CAB39L: variants seen among roughly 807,000 people sequenced by gnomAD.
CAB39L encodes calcium-binding protein 39-like.
In CAB39L, 23 loss-of-function variants were observed where a neutral mutation model predicts 39.1. The observed-to-expected ratio is 0.59, with a 90% CI of 0.42 to 0.83. The LOEUF (loss-of-function observed/expected upper bound fraction) is 0.83, where lower values mean the gene tolerates loss of function less well. CAB39L is among the 40% of genes least tolerant of loss of function. CAB39L has a pLI of 0.00. For missense variants in CAB39L, 366 were observed against 391.9 expected, an observed-to-expected ratio of 0.93 and a Z score of 0.56; for synonymous variants, 126 against 137.2, an observed-to-expected ratio of 0.92 and a Z score of 0.57.
chr13:49,317,645 C>T (rs1954196897), intron 10 of CAB39L, among the ~76,000 whole-genome samples: 1 of 152,014 alleles, frequency 6.6e-6, no homozygotes, highest in African/African-American at 2.4e-5. Context: ...CAATCAAAGA[C>T]CTAAATATAA....
At chr13:49,409,280 T>C (rs1346524991) in intron 3 of CAB39L, among the ~76,000 whole-genome samples, 1 of 151,936 alleles carries the variant, frequency 6.6e-6, no homozygotes, top group Non-Finnish European at 1.5e-5. Flanking sequence ...TAGAACACTG[T>C]ATGGGAGATT....
chr13:49,314,182 TGA>T (rs1954086224), intron 10 of CAB39L, among the ~76,000 whole-genome samples: 1 of 152,048 alleles, frequency 6.6e-6, no homozygotes, highest in Admixed American at 6.6e-5. Flanking sequence ...ACAGTAAGAA[TGA>T]GTAAGGGAAC....
chr13:49,343,358 T>C (rs1313024401), intron 8 of CAB39L, among the ~76,000 whole-genome samples: 2 of 152,192 alleles, frequency 1.3e-5, no homozygotes, highest in Non-Finnish European at 2.9e-5. Context: ...GTATTATTAC[T>C]ATGTTCATTT....
At chr13:49,315,657 C>T (rs1396009277) in intron 10 of CAB39L, among the ~76,000 whole-genome samples, 1 of 151,832 alleles carries the variant, frequency 6.6e-6, no homozygotes, top group Admixed American at 6.6e-5. Flanking sequence ...GAGGCCAAGG[C>T]GGGCGGATCA....
chr13:49,373,594 CT>C (rs1335675233), intron 5 of CAB39L, among the ~76,000 whole-genome samples: 2 of 152,226 alleles, frequency 1.3e-5, no homozygotes, highest in Non-Finnish European at 2.9e-5. Context: ...AAACAATTTA[CT>C]GATTCCTTCA....
intron 3 of CAB39L, among the ~76,000 whole-genome samples, chr13:49,423,128 T>C (rs1018034648): frequency 6.6e-6 from 1 of 152,178 alleles, no homozygotes; most frequent in Non-Finnish European, 1.5e-5. Context: ...ATACCATAGA[T>C]CATTGATGCT....
chr13:49,353,594 C>T (rs1252966548), intron 6 of CAB39L, among the ~76,000 whole-genome samples: 1 of 151,958 alleles, frequency 6.6e-6, no homozygotes, highest in Non-Finnish European at 1.5e-5. Context: ...GTTCAAATGC[C>T]ATCTCCTCCT....
intron 10 of CAB39L, among the ~76,000 whole-genome samples, chr13:49,326,491 C>A (rs545788506): frequency 6.6e-6 from 1 of 152,130 alleles, no homozygotes; most frequent in Non-Finnish European, 1.5e-5. Flanking sequence ...TGAGAGTCAG[C>A]CATTAACAAT....
At chr13:49,352,653 T>C (rs920528356) in intron 6 of CAB39L, among the ~76,000 whole-genome samples, 2 of 152,068 alleles carry the variant, frequency 1.3e-5, no homozygotes, top group Admixed American at 1.3e-4. Flanking sequence ...TAGCTGGACA[T>C]GGTGGCACAC....
rs1953934927 is a variant in CAB39L at position 49,309,775 on chromosome 13, A to G, written c.*1039T>C. ...TATAGAATGACAGCTTATTAGAAAA[A>G]AATTGCTTTTATCAACATCTGATAC... On this transcript the variant is annotated 3_prime_UTR_variant, in exon 11 of 11. Transcript: ENST00000409308. 6.6e-6 allele frequency: 1 copy of G among 152,212 alleles called. No individual in the cohort carries two copies. Among genetic ancestry groups the G allele is most frequent in the Admixed American group, 6.5e-5 (1 of 15,282 alleles). The allele number at this position is 152,212 out of a possible 1,614,324, so 9.4% of individuals were successfully genotyped here.
intron 3 of CAB39L, among the ~76,000 whole-genome samples, chr13:49,406,254 G>A (rs9535226): frequency 0.42 from 61,024 of 146,294 alleles, 13,052 homozygotes; most frequent in Middle Eastern, 0.53. Flanking sequence ...TGCAAGCTCC[G>A]CCTCCCAGGT....
At chr13:49,352,194 C>A (rs1309754964) in intron 6 of CAB39L, among the ~76,000 whole-genome samples, 2 of 151,634 alleles carry the variant, frequency 1.3e-5, no homozygotes, top group African/African-American at 2.4e-5. Context: ...CTGTGGGAAA[C>A]AATTCAGGAC....
intron 4 of CAB39L, 186 bp downstream of exon 4, chr13:49,382,614 A>T (rs1956272398): frequency 2.0e-6 from 1 of 508,728 alleles, no homozygotes; most frequent in Non-Finnish European, 3.5e-6. Flanking sequence ...GAGTGAACCT[A>T]AAGTTCATCA....
intron 10 of CAB39L, among the ~76,000 whole-genome samples, chr13:49,312,262 T>C (rs57742665): frequency 1.3e-5 from 2 of 152,168 alleles, no homozygotes; most frequent in East Asian, 3.9e-4. Context: ...GTCTAAGCAG[T>C]GTTTATGAAG....
At chr13:49,436,912 A>G (rs1365890357) in intron 1 of CAB39L, among the ~76,000 whole-genome samples, 1 of 151,862 alleles carries the variant, frequency 6.6e-6, no homozygotes, top group African/African-American at 2.4e-5. Flanking sequence ...AAGACTTTTC[A>G]TCAGCTAAAA....
rs571496259 is a variant in CAB39L at position 49,423,431 on chromosome 13, T to A, written c.-32+9887A>T. Among the ~76,000 whole-genome samples the A allele has an allele frequency of 5.3e-5, 8 of 152,240 alleles. No homozygotes were observed. In the East Asian group the frequency reaches 1.2e-3, roughly 22 times the overall value. ...CCTAATTCTGAATTAAGAGTAAGAATTAGAGGCCAGGGACAGTGGCTCACA... is the reference window on the plus strand; with the variant it reads ...CCTAATTCTGAATTAAGAGTAAGAAATAGAGGCCAGGGACAGTGGCTCACA... On this transcript the variant is annotated intron_variant, in intron 3 of 10. Transcript: ENST00000409308.
intron 3 of CAB39L, among the ~76,000 whole-genome samples, chr13:49,409,239 C>T (rs960773300): frequency 6.6e-6 from 1 of 152,108 alleles, no homozygotes; most frequent in Non-Finnish European, 1.5e-5. Flanking sequence ...ATTCAGGCAG[C>T]ATGCATAACC....
intron 6 of CAB39L, among the ~76,000 whole-genome samples, chr13:49,353,759 C>A (rs1031486763): frequency 6.6e-6 from 1 of 152,004 alleles, no homozygotes; most frequent in Non-Finnish European, 1.5e-5. Context: ...TCATTACAAT[C>A]AATTTAATTG....
intron 9 of CAB39L, among the ~76,000 whole-genome samples, chr13:49,338,982 C>T (rs1203514916): frequency 6.6e-6 from 1 of 152,010 alleles, no homozygotes; most frequent in Non-Finnish European, 1.5e-5. Flanking sequence ...TCCCATAAAA[C>T]AGAAGCCCCA....
Sources: gnomAD v4.1 joint callset for allele counts (sites outside exome capture counted in the v4.1 genomes callset) on GRCh38, gnomAD v4.1.1 for gene constraint, MANE v1.5 for transcripts, NCBI Gene and HGNC (gene_info 2026-07-23, HGNC 2026-07-21) for gene names.